The following PLXNC1 variants were observed in gnomAD, a reference collection of about 807,000 sequenced individuals.
PLXNC1 encodes plexin C1.
Under a neutral mutation model 178.2 loss-of-function variants are expected in PLXNC1, and 75 were observed. That is an observed-to-expected ratio of 0.42 (90% CI 0.35 to 0.51). The LOEUF (loss-of-function observed/expected upper bound fraction) is 0.51, where lower values mean the gene tolerates loss of function less well. Ranked by LOEUF, PLXNC1 falls within the 20% of genes least tolerant of loss-of-function variation. The pLI, the probability that PLXNC1 is intolerant of heterozygous loss-of-function variation, is 0.02. For synonymous variants in PLXNC1, 790 were observed against 779.9 expected, an observed-to-expected ratio of 1.01 and a Z score of -0.22; for missense variants, 1,503 against 1,984.4, an observed-to-expected ratio of 0.76 and a Z score of 4.61.
At chr12:94,199,585 G>C (rs1286160059) in intron 4 of PLXNC1, among the ~76,000 whole-genome samples, 2 of 152,122 alleles carry the variant, frequency 1.3e-5, no homozygotes, top group Admixed American at 1.3e-4. Context: ...ACACCAGAAG[G>C]GGTCTGGGGG....
At chr12:94,239,635 T>C (rs1476311221) in intron 10 of PLXNC1, among the ~76,000 whole-genome samples, 1 of 152,222 alleles carries the variant, frequency 6.6e-6, no homozygotes, top group Non-Finnish European at 1.5e-5. Context: ...TAGAGGATCA[T>C]TGTAGACACA....
chr12:94,160,098 G>A (rs1018812840), intron 1 of PLXNC1, among the ~76,000 whole-genome samples: 29 of 152,120 alleles, frequency 1.9e-4, no homozygotes, highest in African/African-American at 7.0e-4. Flanking sequence ...TAGGAGTTGG[G>A]GATCCACTCT....
Position 94,303,974 on chromosome 12 carries a change from T to C in PLXNC1, c.4528-3T>C. 2 of 1,606,092 alleles carry C rather than the reference T, an allele frequency of 1.2e-6. No homozygotes were observed. Among genetic ancestry groups the C allele is most frequent in the East Asian group, 2.2e-5 (1 of 44,762 alleles). On this transcript the variant is annotated splice_polypyrimidine_tract_variant and splice_region_variant and intron_variant, in intron 29 of 30. Coordinates refer to ENST00000258526, the MANE Select transcript of PLXNC1 (RefSeq NM_005761.3). ...AGAATCTCTCAACAAGTCTTTCTTT[T>C]AGAAACATGAAAATGAATTTAATGA...
intron 20 of PLXNC1, 99 bp from the exon 21 acceptor site, chr12:94,264,980 C>G (rs1363642084): frequency 1.7e-5 from 21 of 1,217,070 alleles, no homozygotes; most frequent in Non-Finnish European, 2.4e-5. Context: ...TTAGAAAACC[C>G]TGTCTCCTGC....
chr12:94,149,060 C>T lies in PLXNC1; in HGVS notation c.89C>T (p.Ala30Val). 1 of 1,546,610 alleles carries T rather than the reference C, an allele frequency of 6.5e-7. No individual in the cohort carries two copies. The highest frequency in any genetic ancestry group is 2.5e-5 in the East Asian group (1 of 39,720). Reference protein sequence around the residue: ...PLLAYLLALAAPGRGADEPVW... With the variant: ...PLLAYLLALAVPGRGADEPVW... ...CTCGCCTATCTGCTGGCACTGGCGGCTCCCGGCCGGGGCGCGGACGAGCCC... is the reference window on the plus strand; with the variant it reads ...CTCGCCTATCTGCTGGCACTGGCGGTTCCCGGCCGGGGCGCGGACGAGCCC... Residue 30 changes from alanine (A) to valine (V), a missense_variant, in exon 1 of 31, where the codon GCT (alanine) becomes GTT (valine). Physicochemically the swap from Ala to Val is moderately conservative, Grantham distance 64. Coordinates refer to ENST00000258526, the MANE Select transcript of PLXNC1 (RefSeq NM_005761.3).
rs937560248 is a variant in PLXNC1 at position 94,275,786 on chromosome 12, C to G, written c.3598-3686C>G. The stretch of plus-strand genomic sequence containing the variant: ...AGGAGAATGGCGTGAACCCGGGAGG[C>G]GGAGCTTGCAGTGAGCCGAGATCCC... On this transcript the variant is annotated intron_variant, in intron 21 of 30. Transcript: ENST00000258526. 1.2e-4 allele frequency among the ~76,000 whole-genome samples: 14 copies of G among 113,494 alleles called. 4 individuals carry two copies. Among genetic ancestry groups the G allele is most frequent in the Non-Finnish European group, 1.9e-4 (11 of 58,114 alleles). The allele number at this position is 113,494 out of a possible 152,430, so 74.5% of individuals were successfully genotyped here.
At chr12:94,194,878 G>A (rs1254135681) in intron 4 of PLXNC1, among the ~76,000 whole-genome samples, 1 of 152,196 alleles carries the variant, frequency 6.6e-6, no homozygotes, top group Non-Finnish European at 1.5e-5. Context: ...CTGTCATTTG[G>A]TGGAAGCCCA....
intron 4 of PLXNC1, among the ~76,000 whole-genome samples, chr12:94,208,265 T>C (rs926760016): frequency 2.0e-5 from 3 of 152,224 alleles, no homozygotes; most frequent in South Asian, 4.1e-4. Flanking sequence ...GATGTGCTTA[T>C]TGGGAGCAGG....
intron 5 of PLXNC1, among the ~76,000 whole-genome samples, chr12:94,216,400 C>A (rs1248824257): frequency 6.6e-6 from 1 of 151,844 alleles, no homozygotes. Flanking sequence ...AGTAAGTGGG[C>A]CAAAACACAT....
At chr12:94,184,528 T>C (rs529523455) in intron 3 of PLXNC1, among the ~76,000 whole-genome samples, 1 of 152,184 alleles carries the variant, frequency 6.6e-6, no homozygotes, top group East Asian at 1.9e-4. Context: ...GTTCAAGAGA[T>C]TCTCCTGCCT....
chr12:94,249,928 TGTGGGGGG>T (rs58392392), intron 14 of PLXNC1, among the ~76,000 whole-genome samples: 5 of 81,618 alleles, frequency 6.1e-5, no homozygotes, highest in South Asian at 4.9e-4. Context: ...AAAGCACCAG[TGTGGGGGG>T]GTGGGGGGGT....
Position 94,305,332 on chromosome 12 carries a change from G to A in PLXNC1, c.*47G>A. The A allele has an allele frequency of 1.7e-6, 2 of 1,178,548 alleles. No individual in the cohort carries two copies. Among genetic ancestry groups the A allele is most frequent in the Non-Finnish European group, 2.5e-6 (2 of 802,098 alleles). The allele number at this position is 1,178,548 out of a possible 1,614,324, so 73.0% of individuals were successfully genotyped here. The stretch of plus-strand genomic sequence containing the variant: ...TCTGGCAAAGTTCTTCAGACGACTT[G>A]GGAGCAAAATGGCTGCTTGAGCTAC... On this transcript the variant is annotated 3_prime_UTR_variant, in exon 31 of 31. Coordinates refer to ENST00000258526, the MANE Select transcript of PLXNC1 (RefSeq NM_005761.3).
At chr12:94,297,465 G>A in intron 26 of PLXNC1, 42 bp downstream of exon 26, 2 of 1,326,040 alleles carry the variant, frequency 1.5e-6, no homozygotes, top group African/African-American at 2.9e-5. Flanking sequence ...CTACCTAGGG[G>A]GTGTATGATA....
chr12:94,235,442 A>G (rs1592794055), intron 9 of PLXNC1, among the ~76,000 whole-genome samples: 1 of 152,234 alleles, frequency 6.6e-6, no homozygotes, highest in East Asian at 1.9e-4. Context: ...CATCAACAGT[A>G]TAAATATAAG....
chr12:94,245,742 G>A (rs1397296436), intron 12 of PLXNC1, among the ~76,000 whole-genome samples: 1 of 152,176 alleles, frequency 6.6e-6, no homozygotes, highest in South Asian at 2.1e-4. Context: ...TCGCAGGCCC[G>A]TGCTGGGAAC....
intron 19 of PLXNC1, 38 bp downstream of exon 19, chr12:94,259,772 G>GA (rs757173645): frequency 1.4e-5 from 21 of 1,549,194 alleles, no homozygotes; most frequent in Non-Finnish European, 1.7e-5. Context: ...AAGCCTTTAA[G>GA]AAAAAATCAG....
chr12:94,207,433 G>T (rs1363083538), intron 4 of PLXNC1, among the ~76,000 whole-genome samples: 2 of 151,716 alleles, frequency 1.3e-5, no homozygotes, highest in Non-Finnish European at 2.9e-5. Flanking sequence ...AGTCTCTTTG[G>T]CATGAGGAGG....
rs532234598 is a variant in PLXNC1, at chr12:94,260,345, A to G, written c.3252-297A>G. Among the ~76,000 whole-genome samples the G allele has an allele frequency of 2.3e-4, 35 of 152,146 alleles. No homozygotes were observed. The highest frequency in any genetic ancestry group is 3.2e-4 in the Non-Finnish European group (22 of 67,990). ...AGTGCTGGGATTATAGGCGTGAACC[A>G]CCATGCCCGGCCCATAAATTCTTAA... On this transcript the variant is annotated intron_variant, in intron 19 of 30. Transcript: ENST00000258526. The surrounding 1 kb of genome is among the most constrained non-coding windows in gnomAD (Gnocchi z 4.4).
At chr12:94,209,430 A>G (rs1287165309) in intron 4 of PLXNC1, among the ~76,000 whole-genome samples, 160 bp from the exon 5 acceptor site, 3 of 152,240 alleles carry the variant, frequency 2.0e-5, no homozygotes, top group African/African-American at 7.2e-5. Context: ...TGGTTTTAGC[A>G]TCATGTTCCT....
Sources: allele counts gnomAD v4.1 joint callset (sites outside exome capture counted in the v4.1 genomes callset), GRCh38; gene constraint gnomAD v4.1.1; non-coding constraint Gnocchi (gnomAD v3.1); transcripts MANE v1.5; gene names NCBI Gene and HGNC (gene_info 2026-07-23, HGNC 2026-07-21).